The following KDM4C variants were observed in gnomAD, a reference collection of about 807,000 sequenced individuals.
KDM4C encodes the protein lysine demethylase 4C.
In KDM4C, 81 loss-of-function variants were observed where a neutral mutation model predicts 129.3. That is an observed-to-expected ratio of 0.63 (90% CI 0.52 to 0.75). The LOEUF (loss-of-function observed/expected upper bound fraction) is 0.75. KDM4C is among the 30% of genes least tolerant of loss of function. KDM4C has a pLI of 0.00. For missense variants in KDM4C, 1,457 were observed against 1,304.0 expected (o/e 1.12, Z -1.81); for synonymous variants, 573 against 456.1 (o/e 1.26, Z -3.26).
At chr9:7,135,170 C>T (rs375334066) in intron 19 of KDM4C, among the ~76,000 whole-genome samples, 1 of 152,174 alleles carries the variant, frequency 6.6e-6, no homozygotes, top group Non-Finnish European at 1.5e-5. Context: ...TGGGGATCCT[C>T]TGGAGAAAGT....
intron 8 of KDM4C, among the ~76,000 whole-genome samples, chr9:6,916,829 G>A (rs746133884): frequency 7.2e-5 from 11 of 152,108 alleles, no homozygotes; most frequent in Non-Finnish European, 1.3e-4. Context: ...CTTTGAATAG[G>A]TTCTATTTTG....
At chr9:6,828,255 C>G (rs562860494) in intron 4 of KDM4C, among the ~76,000 whole-genome samples, 2 of 152,040 alleles carry the variant, frequency 1.3e-5, no homozygotes, top group Admixed American at 6.6e-5. Context: ...TCAGGCCATT[C>G]TCCTGTCTCA....
chr9:6,826,558 A>C (rs1833912841), intron 4 of KDM4C, among the ~76,000 whole-genome samples: 1 of 152,202 alleles, frequency 6.6e-6, no homozygotes, highest in Non-Finnish European at 1.5e-5. Flanking sequence ...GTTCTTCAAC[A>C]AGATGATTGA....
rs147987030 is a variant in KDM4C, at chr9:7,036,190, T to C, written c.2260-10672T>C. ...CATTTTTTTATAGTTTCTCTTATAG[T>C]GGTCTTTCACCTTCTTGGTTAAATT... On this transcript the variant is annotated intron_variant, in intron 15 of 21. Coordinates refer to ENST00000381309, the MANE Select transcript of KDM4C (RefSeq NM_015061.6). Among the ~76,000 whole-genome samples the C allele has an allele frequency of 7.3e-3, 1,112 of 152,298 alleles. 20 individuals carry two copies. The highest frequency in any genetic ancestry group is 0.024 in the African/African-American group (1,017 of 41,560).
intron 1 of KDM4C, among the ~76,000 whole-genome samples, chr9:6,781,149 C>T (rs1220677564): frequency 6.6e-6 from 1 of 152,164 alleles, no homozygotes; most frequent in African/African-American, 2.4e-5. Context: ...GAATTTACCC[C>T]TGTAGGCTGG....
chr9:7,008,974 A>G (rs1822191611), intron 12 of KDM4C, among the ~76,000 whole-genome samples: 1 of 152,256 alleles, frequency 6.6e-6, no homozygotes, highest in African/African-American at 2.4e-5. Context: ...CATGGTCACA[A>G]GAATCATGAA....
rs565442854 is a variant in KDM4C at position 6,890,739 on chromosome 9, C to G, written c.784-2356C>G. 3.6e-4 allele frequency among the ~76,000 whole-genome samples: 55 copies of G among 152,202 alleles called. No individual in the cohort carries two copies. The East Asian group carries it at 9.7e-3, about 27-fold the overall frequency. On this transcript the variant is annotated intron_variant, in intron 7 of 21. Coordinates refer to ENST00000381309, the MANE Select transcript of KDM4C (RefSeq NM_015061.6). ...AGTAGTTTTCTTGTTCCAGTGGCAGCAGTCCTCCCTCTCCTCTCACCTTTA... is the reference window on the plus strand; with the variant it reads ...AGTAGTTTTCTTGTTCCAGTGGCAGGAGTCCTCCCTCTCCTCTCACCTTTA...
chr9:6,968,636 TAATTCCA>T (rs1180251179), intron 8 of KDM4C, among the ~76,000 whole-genome samples: 1 of 152,234 alleles, frequency 6.6e-6, no homozygotes, highest in Non-Finnish European at 1.5e-5. Context: ...ACTGCTAGAA[TAATTCCA>T]AAGTGAGGGT....
chr9:6,834,860 A>G lies in KDM4C; in HGVS notation c.436-14647A>G, dbSNP rs1354922970. 3.0e-6 allele frequency: 4 copies of G among 1,349,846 alleles called. No homozygotes were observed. In the African/African-American group the frequency reaches 5.7e-5, roughly 19 times the overall value. 83.6% of individuals were successfully genotyped at this position (1,349,846 alleles called of 1,614,324 possible). On this transcript the variant is annotated intron_variant, in intron 4 of 21. Coordinates refer to ENST00000381309, the MANE Select transcript of KDM4C (RefSeq NM_015061.6). ...CATCACCCCAGCCATGTACATGGCC[A>G]TCCAGCCCGTGCTGTCCCTGTACTT...
chr9:7,171,662 C>T (rs1328314624), intron 21 of KDM4C, among the ~76,000 whole-genome samples: 1 of 152,130 alleles, frequency 6.6e-6, no homozygotes, highest in South Asian at 2.1e-4. Context: ...GAGAAGAAAG[C>T]TCATTGCTTT....
In KDM4C at chr9:7,165,358, G is replaced by A; in HGVS notation, c.2901+1G>A. 1.9e-6 allele frequency: 3 copies of A among 1,613,788 alleles called. No individual in the cohort carries two copies. Among genetic ancestry groups the A allele is most frequent in the African/African-American group, 1.3e-5 (1 of 75,028 alleles). ...ATCAAATATTGCCCACATGTACCAG[G>A]TGGGTTCTTCCTTCTCTGTGATGCT... is the stretch of plus-strand genomic sequence containing the variant. On this transcript the variant is annotated splice_donor_variant, in intron 20 of 21. Transcript: ENST00000381309. LOFTEE classifies it high-confidence loss of function.
chr9:6,865,852 G>T (rs192057667), intron 5 of KDM4C, among the ~76,000 whole-genome samples: 8 of 152,108 alleles, frequency 5.3e-5, no homozygotes, highest in Non-Finnish European at 7.4e-5. Flanking sequence ...CCGGGTTCAC[G>T]CCATTCTCCT....
At chr9:6,954,727 A>G (rs182577132) in intron 8 of KDM4C, among the ~76,000 whole-genome samples, 1 of 152,210 alleles carries the variant, frequency 6.6e-6, no homozygotes, top group African/African-American at 2.4e-5. Flanking sequence ...ACCTAGCCCA[A>G]CAATGGAGAG....
chr9:6,961,762 CT>C (rs1163726430), intron 8 of KDM4C, among the ~76,000 whole-genome samples: 5 of 152,088 alleles, frequency 3.3e-5, no homozygotes, highest in Admixed American at 2.0e-4. Context: ...TGGTATTTAG[CT>C]TTATTACTTT....
At chr9:7,112,687 C>G (rs1838460689) in intron 18 of KDM4C, among the ~76,000 whole-genome samples, 1 of 152,180 alleles carries the variant, frequency 6.6e-6, no homozygotes, top group Non-Finnish European at 1.5e-5. Flanking sequence ...TGAATCTATC[C>G]TTTCAGTTTC....
intron 4 of KDM4C, among the ~76,000 whole-genome samples, chr9:6,845,398 A>G (rs1473424817): frequency 6.6e-6 from 1 of 152,024 alleles, no homozygotes; most frequent in Non-Finnish European, 1.5e-5. Flanking sequence ...AATTTTTTGT[A>G]GAGACGGGGT....
intron 19 of KDM4C, among the ~76,000 whole-genome samples, chr9:7,129,308 T>C (rs1840364188): frequency 6.6e-6 from 1 of 152,232 alleles, no homozygotes; most frequent in South Asian, 2.1e-4. Flanking sequence ...AGTTTTGTTA[T>C]ACTTACCTCT....
intron 19 of KDM4C, among the ~76,000 whole-genome samples, chr9:7,145,193 G>T (rs1277767369): frequency 6.6e-6 from 1 of 152,174 alleles, no homozygotes; most frequent in Non-Finnish European, 1.5e-5. Context: ...TGGCCAGAGG[G>T]TGGCGGGGGA....
At position 6,888,808 on chromosome 9, in the gene KDM4C, G is replaced by A. The variant is rs1354893781; in HGVS notation, c.783+745G>A. On this transcript the variant is annotated intron_variant, in intron 7 of 21. Transcript: ENST00000381309. ...TTTTTTTTTTTTTTTTTTTTTTTGA[G>A]ACGGAGTCTCGCTCTGTCGCCCAGG... is the stretch of plus-strand genomic sequence containing the variant. 1.4e-4 allele frequency among the ~76,000 whole-genome samples: 3 copies of A among 21,022 alleles called. 1 individual carries two copies. The highest frequency in any genetic ancestry group is 1.1e-3 in the African/African-American group (3 of 2,690). The allele number at this position is 21,022 out of a possible 152,430, so 13.8% of individuals were successfully genotyped here.
Sources: allele counts gnomAD v4.1 joint callset (sites outside exome capture counted in the v4.1 genomes callset), GRCh38; gene constraint gnomAD v4.1.1; transcripts MANE v1.5; gene names NCBI Gene and HGNC (gene_info 2026-07-23, HGNC 2026-07-21).